The following SORCS2 variants were observed in gnomAD, a reference collection of about 807,000 sequenced individuals.
SORCS2 encodes the protein VPS10 domain-containing receptor SorCS2.
A neutral mutation model predicts 141.6 loss-of-function variants in SORCS2; 100 were observed. The observed-to-expected ratio is 0.71, with a 90% CI of 0.60 to 0.83. The LOEUF (loss-of-function observed/expected upper bound fraction) is 0.83. Ranked by LOEUF, SORCS2 falls within the 40% of genes least tolerant of loss-of-function variation. The pLI is 0.00. For synonymous variants in SORCS2, 789 were observed against 676.9 expected, an observed-to-expected ratio of 1.17 and a Z score of -2.57; for missense variants, 1,646 against 1,560.2, an observed-to-expected ratio of 1.05 and a Z score of -0.93.
chr4:7,415,307 C>A (rs1725592554), intron 2 of SORCS2, among the ~76,000 whole-genome samples: 1 of 151,952 alleles, frequency 6.6e-6, no homozygotes, highest in Non-Finnish European at 1.5e-5. Flanking sequence ...CGGGTCGTTT[C>A]TCTCCCAGGG....
chr4:7,641,107 C>T (rs1390878343), intron 4 of SORCS2, among the ~76,000 whole-genome samples: 1 of 152,166 alleles, frequency 6.6e-6, no homozygotes, highest in African/African-American at 2.4e-5. Flanking sequence ...AGCTTGGGCC[C>T]CAGTATTTCA....
At chr4:7,363,122 C>T (rs1353614108) in intron 1 of SORCS2, among the ~76,000 whole-genome samples, 4 of 151,224 alleles carry the variant, frequency 2.6e-5, no homozygotes, top group Non-Finnish European at 5.9e-5. Context: ...TCATAACCAT[C>T]ACCGTCACCA....
intron 3 of SORCS2, among the ~76,000 whole-genome samples, chr4:7,554,897 C>T (rs1479781765): frequency 6.6e-6 from 1 of 152,158 alleles, no homozygotes; most frequent in Non-Finnish European, 1.5e-5. Flanking sequence ...AACACTAGGG[C>T]AGAGTTCTCA....
At chr4:7,613,003 G>A (rs1718519457) in intron 3 of SORCS2, among the ~76,000 whole-genome samples, 1 of 150,572 alleles carries the variant, frequency 6.6e-6, no homozygotes, top group African/African-American at 2.4e-5. Context: ...CTCCCCAACT[G>A]ACTGCAAGCC....
At chr4:7,425,854 G>A (rs1398467123) in intron 2 of SORCS2, among the ~76,000 whole-genome samples, 1 of 152,220 alleles carries the variant, frequency 6.6e-6, no homozygotes, top group African/African-American at 2.4e-5. Context: ...CCATTGGATG[G>A]GGCCTAGGCT....
chr4:7,386,437 A>G (rs28420426), intron 1 of SORCS2, among the ~76,000 whole-genome samples: 2 of 103,082 alleles, frequency 1.9e-5, no homozygotes, highest in Non-Finnish European at 4.0e-5. Flanking sequence ...ACATACAGGT[A>G]CACAGAGATA....
At chr4:7,608,194 C>T (rs772780076) in intron 3 of SORCS2, among the ~76,000 whole-genome samples, 1 of 152,162 alleles carries the variant, frequency 6.6e-6, no homozygotes, top group Non-Finnish European at 1.5e-5. Context: ...TCACTTCCTG[C>T]CTGCCATGCT....
At chr4:7,665,739 C>T (rs1459827705) in intron 7 of SORCS2, among the ~76,000 whole-genome samples, 1 of 152,224 alleles carries the variant, frequency 6.6e-6, no homozygotes. Context: ...CAGCTCCTAG[C>T]ATTGCATTTC....
chr4:7,582,985 G>A (rs1716261147), intron 3 of SORCS2, among the ~76,000 whole-genome samples: 1 of 151,090 alleles, frequency 6.6e-6, no homozygotes, highest in Non-Finnish European at 1.5e-5. Flanking sequence ...CTAGGACTTG[G>A]CACATAGTAG....
At chr4:7,343,183 G>A (rs1173532742) in intron 1 of SORCS2, among the ~76,000 whole-genome samples, 1 of 152,204 alleles carries the variant, frequency 6.6e-6, no homozygotes, top group Non-Finnish European at 1.5e-5. Context: ...CGTGCCAGTC[G>A]CCCTCAGACG....
chr4:7,374,726 G>GTC (rs1174583004), intron 1 of SORCS2, among the ~76,000 whole-genome samples: 1 of 152,202 alleles, frequency 6.6e-6, no homozygotes, highest in African/African-American at 2.4e-5. Context: ...CTTGTACAGT[G>GTC]TCTCGGTCAC....
chr4:7,379,944 C>G (rs944732954), intron 1 of SORCS2, among the ~76,000 whole-genome samples: 6 of 152,194 alleles, frequency 3.9e-5, no homozygotes, highest in African/African-American at 1.4e-4. Flanking sequence ...GATTTGTCTC[C>G]TCCTGGTCCC....
At chr4:7,404,458 T>C (rs1287692179) in intron 2 of SORCS2, among the ~76,000 whole-genome samples, 1 of 152,164 alleles carries the variant, frequency 6.6e-6, no homozygotes, top group Non-Finnish European at 1.5e-5. Context: ...TACTAACTTA[T>C]ATTTCCATGA....
At chr4:7,726,530 C>T (rs4689843) in intron 20 of SORCS2, among the ~76,000 whole-genome samples, 106,170 of 152,004 alleles carry the variant, frequency 0.7, 37,509 homozygotes, top group East Asian at 0.88. Flanking sequence ...GCCAAGATTG[C>T]GCCACTGCAC....
chr4:7,247,297 A>G (rs1713162851), intron 1 of SORCS2, among the ~76,000 whole-genome samples: 1 of 151,626 alleles, frequency 6.6e-6, no homozygotes, highest in Non-Finnish European at 1.5e-5. Flanking sequence ...GGATGTTTCT[A>G]TCTTTAATTT....
intron 1 of SORCS2, among the ~76,000 whole-genome samples, chr4:7,253,321 T>G (rs1409511445): frequency 6.6e-6 from 1 of 152,194 alleles, no homozygotes; most frequent in African/African-American, 2.4e-5. Flanking sequence ...GCCCCAAGGC[T>G]CCATCCTGAA....
chr4:7,365,449 G>C (rs1306053920), intron 1 of SORCS2, among the ~76,000 whole-genome samples: 7 of 152,168 alleles, frequency 4.6e-5, no homozygotes, highest in Non-Finnish European at 1.0e-4. Flanking sequence ...GCTGGGACAA[G>C]AGCCTGGTCT....
At chr4:7,530,674 G>A (rs1711565181) in intron 2 of SORCS2, among the ~76,000 whole-genome samples, 1 of 152,220 alleles carries the variant, frequency 6.6e-6, no homozygotes, top group South Asian at 2.1e-4. Flanking sequence ...GGATCTCTGG[G>A]ACTTAATCTT....
intron 2 of SORCS2, among the ~76,000 whole-genome samples, chr4:7,500,178 A>G (rs890376952): frequency 2.0e-5 from 3 of 151,966 alleles, no homozygotes; most frequent in Non-Finnish European, 4.4e-5. Flanking sequence ...GCTCCCACCT[A>G]TCAGCTCCCT....
Sources: gnomAD v4.1 joint callset for allele counts (sites outside exome capture counted in the v4.1 genomes callset) on GRCh38, gnomAD v4.1.1 for gene constraint, MANE v1.5 for transcripts, NCBI Gene and HGNC (gene_info 2026-07-23, HGNC 2026-07-21) for gene names.